The following CDK6 variants were observed in gnomAD, a reference collection of about 807,000 sequenced individuals.
The protein encoded by CDK6 is cyclin-dependent kinase 6.
CDK6 carries 6 observed loss-of-function variants against 37.1 expected under a neutral mutation model. The ratio of observed to expected loss-of-function variants is 0.16; its 90% CI spans 0.09 to 0.32. The LOEUF (loss-of-function observed/expected upper bound fraction) is 0.32. Among genes scored for constraint, CDK6 ranks in the 10% least tolerant of loss-of-function variants. The pLI, the probability that CDK6 is intolerant of heterozygous loss-of-function variation, is 1.00. For missense variants in CDK6, 224 were observed against 418.9 expected (o/e 0.53, Z 4.06); for synonymous variants, 160 against 161.3 (o/e 0.99, Z 0.06).
At chr7:92,638,504 T>C (rs941956230) in intron 5 of CDK6, among the ~76,000 whole-genome samples, 1 of 152,200 alleles carries the variant, frequency 6.6e-6, no homozygotes, top group African/African-American at 2.4e-5. Flanking sequence ...GGGGTCTGCC[T>C]CACTGAGTCT....
Position 92,607,969 on chromosome 7 carries a change from A to C in CDK6, c.*7171T>G, listed in dbSNP as rs1200315407. 1 of 233,306 alleles carries C rather than the reference A, an allele frequency of 4.3e-6. No homozygotes were observed. Among genetic ancestry groups the C allele is most frequent in the Non-Finnish European group, 8.5e-6 (1 of 117,930 alleles). The allele number at this position is 233,306 out of a possible 1,614,324, so 14.5% of individuals were successfully genotyped here. On this transcript the variant is annotated 3_prime_UTR_variant, in exon 8 of 8. Coordinates refer to ENST00000424848, the MANE Select transcript of CDK6 (RefSeq NM_001145306.2). ...TTATTCAGACTTTAAGATCAAACTG[A>C]GAGTTGTTGGTGATCACAGAAATAT...
chr7:92,799,956 C>T (rs897407059), intron 2 of CDK6, among the ~76,000 whole-genome samples: 3 of 152,146 alleles, frequency 2.0e-5, no homozygotes, highest in South Asian at 2.1e-4. Flanking sequence ...GCTCCTTCTG[C>T]TGTGAATGCT....
intron 3 of CDK6, among the ~76,000 whole-genome samples, chr7:92,754,754 C>G (rs1489483886): frequency 6.6e-6 from 1 of 152,144 alleles, no homozygotes; most frequent in Non-Finnish European, 1.5e-5. Context: ...AACTGGTTCT[C>G]ATTTCCCAAA....
chr7:92,798,346 T>C (rs1338176806), intron 2 of CDK6, among the ~76,000 whole-genome samples: 1 of 152,236 alleles, frequency 6.6e-6, no homozygotes, highest in Non-Finnish European at 1.5e-5. Context: ...AATTCATAGC[T>C]TGATGATCTA....
In CDK6 at chr7:92,654,612, A is replaced by G. The variant is rs79388790; in HGVS notation, c.647+16814T>C. 2.3e-4 allele frequency among the ~76,000 whole-genome samples: 35 copies of G among 152,050 alleles called. 1 individual carries two copies. The East Asian group carries it at 6.8e-3, about 29-fold the overall frequency. ...AGACCCCTAGTTCCTTTTTGCATGTATGTGTTTTCTGGTATTTGAAGCGTC... is the reference window on the plus strand; with the variant it reads ...AGACCCCTAGTTCCTTTTTGCATGTGTGTGTTTTCTGGTATTTGAAGCGTC... On this transcript the variant is annotated intron_variant, in intron 5 of 7. Transcript: ENST00000424848.
At chr7:92,715,351 T>C (rs1221489717) in intron 4 of CDK6, among the ~76,000 whole-genome samples, 1 of 152,120 alleles carries the variant, frequency 6.6e-6, no homozygotes, top group East Asian at 1.9e-4. Context: ...AGCCCCATTT[T>C]TAGATTCTGC....
chr7:92,636,417 A>C (rs1188034211), intron 5 of CDK6, among the ~76,000 whole-genome samples: 2 of 152,146 alleles, frequency 1.3e-5, no homozygotes, highest in Non-Finnish European at 2.9e-5. Context: ...TTATTTATGA[A>C]GCAAATGAAC....
chr7:92,781,606 G>A (rs972371081), intron 2 of CDK6, among the ~76,000 whole-genome samples: 1 of 152,176 alleles, frequency 6.6e-6, no homozygotes, highest in African/African-American at 2.4e-5. Context: ...CAATAAAAGG[G>A]AAATCTGTCT....
chr7:92,713,631 G>A (rs555615502), intron 4 of CDK6, among the ~76,000 whole-genome samples: 1 of 129,664 alleles, frequency 7.7e-6, no homozygotes, highest in South Asian at 2.5e-4. Flanking sequence ...TAAATACCAA[G>A]TCAATTTGTT....
At chr7:92,780,552 A>T (rs1015369851) in intron 2 of CDK6, among the ~76,000 whole-genome samples, 3 of 152,008 alleles carry the variant, frequency 2.0e-5, no homozygotes, top group Non-Finnish European at 4.4e-5. Context: ...CGAGGTCAGG[A>T]GATCGAGACC....
chr7:92,779,252 G>C (rs889431618), intron 2 of CDK6, among the ~76,000 whole-genome samples: 11 of 152,036 alleles, frequency 7.2e-5, no homozygotes, highest in Non-Finnish European at 1.6e-4. Context: ...CTGGACTCCA[G>C]GCCTCAGTTT....
At chr7:92,673,364 T>G (rs1212822381) in intron 4 of CDK6, among the ~76,000 whole-genome samples, 1 of 152,200 alleles carries the variant, frequency 6.6e-6, no homozygotes, top group Non-Finnish European at 1.5e-5. Flanking sequence ...CCTCTATATC[T>G]CATCTAACAT....
intron 1 of CDK6, 140 bp downstream of exon 1, chr7:92,836,338 G>C (rs1191958629): frequency 6.6e-6 from 1 of 151,750 alleles, no homozygotes; most frequent in African/African-American, 2.4e-5. Context: ...CCGATTCCAA[G>C]GAAACACAGG....
At chr7:92,795,936 C>T (rs1800396779) in intron 2 of CDK6, among the ~76,000 whole-genome samples, 1 of 152,006 alleles carries the variant, frequency 6.6e-6, no homozygotes, top group African/African-American at 2.4e-5. Context: ...TCTACTAAAG[C>T]CACCTTCTTG....
chr7:92,675,191 T>C (rs564235417), intron 4 of CDK6, among the ~76,000 whole-genome samples: 3 of 152,316 alleles, frequency 2.0e-5, no homozygotes, highest in Non-Finnish European at 4.4e-5. Context: ...GCTGACTGTC[T>C]TCATTTTCAA....
At chr7:92,755,784 T>G (rs1034138867) in intron 3 of CDK6, among the ~76,000 whole-genome samples, 6 of 152,140 alleles carry the variant, frequency 3.9e-5, no homozygotes, top group Non-Finnish European at 5.9e-5. Context: ...ATGAGATTTA[T>G]CTCCAAGGAG....
At chr7:92,689,839 T>C (rs1797560764) in intron 4 of CDK6, among the ~76,000 whole-genome samples, 1 of 152,210 alleles carries the variant, frequency 6.6e-6, no homozygotes, top group Non-Finnish European at 1.5e-5. Flanking sequence ...TGGTGTGAGA[T>C]AATATCTCTT....
At position 92,610,194 on chromosome 7, in the gene CDK6, C is replaced by T. The variant is rs376235588; in HGVS notation, c.*4946G>A. On this transcript the variant is annotated 3_prime_UTR_variant, in exon 8 of 8. Coordinates refer to ENST00000424848, the MANE Select transcript of CDK6 (RefSeq NM_001145306.2). ...GAAAAGTCACCTTCCTTTCCTACCA[C>T]ATCAACTTCAAATTGCTGTAACAGT... is the stretch of plus-strand genomic sequence containing the variant. 17 of 232,052 alleles carry T rather than the reference C, an allele frequency of 7.3e-5. No homozygotes were observed. Among genetic ancestry groups the T allele is most frequent in the African/African-American group, 3.5e-4 (16 of 45,406 alleles). 14.4% of individuals were successfully genotyped at this position (232,052 alleles called of 1,614,324 possible).
intron 2 of CDK6, among the ~76,000 whole-genome samples, chr7:92,806,951 C>T (rs547426854): frequency 6.6e-6 from 1 of 152,278 alleles, no homozygotes; most frequent in Admixed American, 6.5e-5. Context: ...AACAAATACA[C>T]ATTTATTTAG....
Sources: allele counts gnomAD v4.1 joint callset (sites outside exome capture counted in the v4.1 genomes callset), GRCh38; gene constraint gnomAD v4.1.1; transcripts MANE v1.5; gene names NCBI Gene and HGNC (gene_info 2026-07-23, HGNC 2026-07-21).